The following PBRM1 variants were observed in gnomAD, a reference collection of about 807,000 sequenced individuals.
The protein encoded by PBRM1 is polybromo 1.
A neutral mutation model predicts 194.5 loss-of-function variants in PBRM1; 27 were observed. The observed-to-expected ratio is 0.14, with a 90% confidence interval of 0.10 to 0.19. PBRM1 has a LOEUF of 0.19. Among genes scored for constraint, PBRM1 ranks in the 10% least tolerant of loss-of-function variants. The pLI is 1.00. For synonymous variants in PBRM1, 655 were observed against 693.2 expected, an observed-to-expected ratio of 0.94 and a Z score of 0.87; for missense variants, 1,466 against 2,077.2, an observed-to-expected ratio of 0.71 and a Z score of 5.72.
intron 11 of PBRM1, among the ~76,000 whole-genome samples, chr3:52,631,465 T>C (rs1300342276): frequency 6.6e-6 from 1 of 152,190 alleles, no homozygotes; most frequent in Non-Finnish European, 1.5e-5. Context: ...TTAGCTAAGG[T>C]AGTTTTACCT....
intron 13 of PBRM1, among the ~76,000 whole-genome samples, chr3:52,619,269 T>C (rs1251831395): frequency 6.6e-6 from 1 of 152,182 alleles, no homozygotes; most frequent in East Asian, 1.9e-4. Flanking sequence ...GGGGAATTGG[T>C]TTCAGGATCT....
intron 17 of PBRM1, among the ~76,000 whole-genome samples, chr3:52,600,854 G>T (rs1357344999): frequency 1.3e-5 from 2 of 152,198 alleles, no homozygotes; most frequent in Non-Finnish European, 2.9e-5. Flanking sequence ...GGCCAGGCTG[G>T]TCTTGAACTC....
intron 7 of PBRM1, among the ~76,000 whole-genome samples, chr3:52,647,443 AAAAAAAAAAAAAAAATATAT>A (rs1248150352): frequency 2.5e-5 from 2 of 78,604 alleles, no homozygotes; most frequent in African/African-American, 4.6e-5. Flanking sequence ...AAAAAAAAAA[AAAAAAAAAAAAAAAATATAT>A]ATATATATAT....
chr3:52,551,175 TATTTA>T (rs899824595), intron 27 of PBRM1, among the ~76,000 whole-genome samples: 1 of 152,220 alleles, frequency 6.6e-6, no homozygotes, highest in Non-Finnish European at 1.5e-5. Context: ...CTGAAGCCTG[TATTTA>T]ATTTAAGCAG....
intron 2 of PBRM1, among the ~76,000 whole-genome samples, chr3:52,670,946 A>G (rs2096934080): frequency 6.6e-6 from 1 of 152,238 alleles, no homozygotes; most frequent in Admixed American, 6.5e-5. Context: ...AGCCAATACG[A>G]GAGCTGAAGT....
chr3:52,614,779 C>T (rs776713277), intron 15 of PBRM1, among the ~76,000 whole-genome samples: 3 of 152,036 alleles, frequency 2.0e-5, no homozygotes, highest in East Asian at 1.9e-4. Flanking sequence ...CCATGTTGGC[C>T]GGGCTGGTCC....
chr3:52,604,113 G>T (rs565734831), intron 16 of PBRM1, among the ~76,000 whole-genome samples: 105 of 152,252 alleles, frequency 6.9e-4, no homozygotes, highest in Middle Eastern at 3.4e-3. Flanking sequence ...TCTATTCTTT[G>T]AATTTTTACT....
intron 13 of PBRM1, among the ~76,000 whole-genome samples, chr3:52,619,431 T>C (rs887446968): frequency 6.6e-6 from 1 of 152,218 alleles, no homozygotes; most frequent in African/African-American, 2.4e-5. Flanking sequence ...ATAGTTGTTT[T>C]GTTACACTGT....
At chr3:52,648,768 G>A (rs529546482) in intron 6 of PBRM1, among the ~76,000 whole-genome samples, 25 of 152,296 alleles carry the variant, frequency 1.6e-4, no homozygotes, top group African/African-American at 5.5e-4. Flanking sequence ...AGTTCTAAGT[G>A]CTTCATGAAT....
chr3:52,550,569 G>C (rs2080702959), exon 29 of PBRM1: 1 of 1,543,608 alleles, frequency 6.5e-7, no homozygotes, highest in South Asian at 1.3e-5. Flanking sequence ...GTATGACAGG[G>C]GGTCCAGCTG....
chr3:52,685,410 C>G (rs1427193069), intron 1 of PBRM1: 3 of 152,108 alleles, frequency 2.0e-5, no homozygotes, highest in African/African-American at 7.2e-5. Flanking sequence ...CCCTGAGCAA[C>G]GGAGGAAATG....
chr3:52,564,592 G>A (rs13060048), intron 22 of PBRM1, among the ~76,000 whole-genome samples: 62,739 of 151,228 alleles, frequency 0.41, 13,265 homozygotes, highest in Admixed American at 0.5. Flanking sequence ...TGAGGCTACA[G>A]TGAGCTGTGA....
upstream of PBRM1, among the ~76,000 whole-genome samples, chr3:52,680,391 T>C (rs1433731783): frequency 6.6e-6 from 1 of 152,218 alleles, no homozygotes; most frequent in Non-Finnish European, 1.5e-5. Flanking sequence ...TTGCTATACC[T>C]AGACAGAGGT....
At chr3:52,580,334 T>C (rs114492310) in intron 20 of PBRM1, among the ~76,000 whole-genome samples, 1,644 of 152,282 alleles carry the variant, frequency 0.011, 29 homozygotes, top group African/African-American at 0.038. Flanking sequence ...GCATAGCCTC[T>C]GTGATATAAA....
chr3:52,649,001 CT>C (rs2153787899), intron 6 of PBRM1, among the ~76,000 whole-genome samples: 1 of 152,160 alleles, frequency 6.6e-6, no homozygotes, highest in African/African-American at 2.4e-5. Context: ...GACGGACACA[CT>C]TTTAGGTAAG....
rs1224693891 is a variant in PBRM1 at position 52,685,736 on chromosome 3, G to GGCCCGGCCTT, written c.-13+3_-13+12dup. The GGCCCGGCCTT allele has an allele frequency of 5.6e-3, 983 of 175,944 alleles. 8 individuals carry two copies. The highest frequency in any genetic ancestry group is 7.0e-3 in the Non-Finnish European group (599 of 85,062). 10.9% of individuals were successfully genotyped at this position (175,944 alleles called of 1,614,324 possible). ...AGGGGGAGCGGCCCCACCCGCCCTG[G>GGCCCGGCCTT]GCCCGGCCTTACCCAGCCGCTCCGC... On this transcript the variant is annotated intron_variant, in intron 1 of 29. Transcript: ENST00000394830.
intron 5 of PBRM1, among the ~76,000 whole-genome samples, chr3:52,655,774 T>C (rs2096596379): frequency 6.6e-6 from 1 of 152,228 alleles, no homozygotes. Flanking sequence ...ATCCTATAGC[T>C]AGTCAAGACA....
At chr3:52,648,819 TCCC>T (rs2096402271) in intron 6 of PBRM1, among the ~76,000 whole-genome samples, 1 of 152,072 alleles carries the variant, frequency 6.6e-6, no homozygotes, top group South Asian at 2.1e-4. Flanking sequence ...GAAGCAAAAC[TCCC>T]CCTAGTTACA....
chr3:52,602,528 C>A (rs575009693), intron 17 of PBRM1, among the ~76,000 whole-genome samples: 167 of 152,316 alleles, frequency 1.1e-3, no homozygotes, highest in African/African-American at 3.1e-3. Context: ...GTGTGGAGAG[C>A]TTATCTCAGT....
Sources: gnomAD v4.1 joint callset for allele counts (sites outside exome capture counted in the v4.1 genomes callset) on GRCh38, gnomAD v4.1.1 for gene constraint, MANE v1.5 for transcripts, NCBI Gene and HGNC (gene_info 2026-07-23, HGNC 2026-07-21) for gene names.